The following DSE variants were observed in gnomAD, a reference collection of about 807,000 sequenced individuals.
DSE encodes dermatan-sulfate epimerase.
DSE carries 36 observed loss-of-function variants against 84.4 expected under a neutral mutation model. That is an observed-to-expected ratio of 0.43 (90% CI 0.33 to 0.56). DSE has a LOEUF of 0.56. DSE is among the 20% of genes least tolerant of loss of function. The pLI is 0.06. For synonymous variants in DSE, 410 were observed against 430.1 expected (o/e 0.95, Z 0.58); for missense variants, 862 against 1,169.6 (o/e 0.74, Z 3.84).
intron 3 of DSE, among the ~76,000 whole-genome samples, chr6:116,429,535 T>A (rs1179952809): frequency 6.6e-6 from 1 of 152,222 alleles, no homozygotes; most frequent in Admixed American, 6.5e-5. Flanking sequence ...TTTTTAGTCA[T>A]GTGCCAGAGG....
intron 2 of DSE, among the ~76,000 whole-genome samples, chr6:116,271,015 G>A (rs1377523635): frequency 6.6e-6 from 1 of 152,228 alleles, no homozygotes; most frequent in Admixed American, 6.5e-5. Context: ...TGAAGACAGA[G>A]ATATGTACTT....
At chr6:116,378,790 A>C (rs571639479) in intron 1 of DSE, among the ~76,000 whole-genome samples, 19 of 152,012 alleles carry the variant, frequency 1.2e-4, no homozygotes, top group African/African-American at 4.3e-4. Context: ...ATTCTAGATA[A>C]CCTTGTTTTT....
chr6:116,266,535 T>C (rs371271313), intron 2 of DSE, among the ~76,000 whole-genome samples: 1 of 152,202 alleles, frequency 6.6e-6, no homozygotes, highest in African/African-American at 2.4e-5. Context: ...TTTTGAATAG[T>C]AATTAAGATT....
At chr6:116,301,231 G>A (rs924270869) in intron 2 of DSE, among the ~76,000 whole-genome samples, 1 of 152,156 alleles carries the variant, frequency 6.6e-6, no homozygotes, top group African/African-American at 2.4e-5. Flanking sequence ...GCACATGCAA[G>A]TGTACAACCT....
At chr6:116,311,100 C>CA (rs1323905166) in intron 2 of DSE, among the ~76,000 whole-genome samples, 4 of 152,192 alleles carry the variant, frequency 2.6e-5, no homozygotes, top group Non-Finnish European at 5.9e-5. Flanking sequence ...GGCTTGCTCT[C>CA]ACATCATTCA....
chr6:116,392,590 A>G (rs1008234056), intron 1 of DSE, among the ~76,000 whole-genome samples: 7 of 152,152 alleles, frequency 4.6e-5, no homozygotes, highest in African/African-American at 1.2e-4. Context: ...ATTACAACTC[A>G]GTTTTTAAAA....
chr6:116,347,915 C>T (rs962299119), intron 2 of DSE, among the ~76,000 whole-genome samples: 2 of 150,884 alleles, frequency 1.3e-5, no homozygotes, highest in African/African-American at 4.8e-5. Context: ...GGCTAATATC[C>T]AGAATCTACA....
intron 1 of DSE, among the ~76,000 whole-genome samples, chr6:116,390,750 A>G (rs1187997104): frequency 2.0e-5 from 3 of 152,094 alleles, no homozygotes; most frequent in Non-Finnish European, 4.4e-5. Flanking sequence ...TAACCGTTTC[A>G]TTTTCTCTTT....
In DSE at chr6:116,426,854, G is replaced by T. The variant is rs182113712; in HGVS notation, c.670+27G>T. ...TGGGTGTGGACACAGCCAAGGTGAT[G>T]CCTGAGCTGACGGAAGTCATAGTTG... On this transcript the variant is annotated intron_variant, in intron 3 of 5. Coordinates refer to ENST00000644252, the MANE Select transcript of DSE (RefSeq NM_013352.4). The T allele has an allele frequency of 1.8e-5, 28 of 1,586,362 alleles. No homozygotes were observed. The African/African-American group carries it at 2.8e-4, about 16-fold the overall frequency.
At chr6:116,384,368 C>A (rs78821641) in intron 1 of DSE, among the ~76,000 whole-genome samples, 4,966 of 152,256 alleles carry the variant, frequency 0.033, 135 homozygotes, top group Middle Eastern at 0.054. Flanking sequence ...GAGAGACATT[C>A]AGGCAGTGGT....
At chr6:116,318,091 T>C (rs1276205434) in intron 2 of DSE, among the ~76,000 whole-genome samples, 1 of 152,174 alleles carries the variant, frequency 6.6e-6, no homozygotes, top group African/African-American at 2.4e-5. Flanking sequence ...AGTGGACAAA[T>C]ATATATTGAG....
At chr6:116,370,007 G>A (rs1779412122), upstream of DSE, 17 of 1,233,310 alleles carry the variant, frequency 1.4e-5, no homozygotes, top group Middle Eastern at 2.2e-4. Flanking sequence ...GAGGTGGAAG[G>A]GGCAAAGTAT....
intron 4 of DSE, 183 bp from the exon 5 acceptor site, chr6:116,433,160 C>T: frequency 9.6e-6 from 6 of 626,372 alleles, no homozygotes; most frequent in Non-Finnish European, 1.6e-5. Context: ...ATGTGGAAGA[C>T]CTTTTGAGGG....
chr6:116,309,583 C>T lies in DSE; in HGVS notation c.-54+50616C>T, dbSNP rs576588375. 6.8e-4 allele frequency among the ~76,000 whole-genome samples: 104 copies of T among 152,294 alleles called. 1 individual carries two copies. The Middle Eastern group carries it at 0.01, about 15-fold the overall frequency. ...TAGTTATTGTCTGTTTGTGCTGCTA[C>T]AACAAAATATCTGAGACTAGGTAAT... On this transcript the variant is annotated intron_variant, in intron 2 of 3. Coordinates refer to the DSE transcript ENST00000430252.
At chr6:116,341,914 G>A (rs1213168376) in intron 2 of DSE, among the ~76,000 whole-genome samples, 1 of 152,226 alleles carries the variant, frequency 6.6e-6, no homozygotes, top group Non-Finnish European at 1.5e-5. Context: ...ATAGTTTGAA[G>A]TCAGATAGTG....
intron 2 of DSE, chr6:116,277,648 T>TTA (rs1773212372): frequency 6.6e-6 from 1 of 152,070 alleles, no homozygotes; most frequent in South Asian, 2.1e-4. Flanking sequence ...GCTATCACTT[T>TTA]TTTAAGAGAG....
intron 1 of DSE, among the ~76,000 whole-genome samples, chr6:116,389,274 G>A (rs1207327279): frequency 6.6e-6 from 1 of 152,130 alleles, no homozygotes; most frequent in East Asian, 1.9e-4. Flanking sequence ...AAACAGGAAC[G>A]TAGGTAAGGA....
chr6:116,304,117 C>T lies in DSE; in HGVS notation c.-54+45150C>T, dbSNP rs554591001. 3.1e-4 allele frequency among the ~76,000 whole-genome samples: 44 copies of T among 144,024 alleles called. 1 individual carries two copies. The East Asian group carries it at 7.9e-3, about 26-fold the overall frequency. The allele number at this position is 144,024 out of a possible 152,430, so 94.5% of individuals were successfully genotyped here. On this transcript the variant is annotated intron_variant, in intron 2 of 3. Coordinates refer to the DSE transcript ENST00000430252. ...CAGCCTGGGCGACAGAGCAAGACTC[C>T]GTCTCAAAAAAAAAAAAAAAGAAAG...
intron 2 of DSE, chr6:116,278,776 G>T: frequency 6.2e-7 from 1 of 1,614,190 alleles, no homozygotes; most frequent in Non-Finnish European, 8.5e-7. Flanking sequence ...AATTGGAGTA[G>T]AAAGAGACAC....
Sources: allele counts gnomAD v4.1 joint callset (sites outside exome capture counted in the v4.1 genomes callset), GRCh38; gene constraint gnomAD v4.1.1; transcripts MANE v1.5; gene names NCBI Gene and HGNC (gene_info 2026-07-23, HGNC 2026-07-21).